Variants in CAPZA2 observed in about 807,000 individuals in gnomAD.
CAPZA2 encodes F-actin-capping protein subunit alpha-2.
Under a neutral mutation model 44.0 loss-of-function variants are expected in CAPZA2, and 13 were observed. The observed-to-expected ratio is 0.30, with a 90% CI of 0.19 to 0.47. The LOEUF (loss-of-function observed/expected upper bound fraction) is 0.47. Ranked by LOEUF, CAPZA2 falls within the 20% of genes least tolerant of loss-of-function variation. The pLI, the probability that CAPZA2 is intolerant of heterozygous loss-of-function variation, is 1.00. For missense variants in CAPZA2, 244 were observed against 338.6 expected (o/e 0.72, Z 2.19); for synonymous variants, 94 against 108.2 (o/e 0.87, Z 0.81).
At chr7:116,917,416 G>T (rs1344147988) in intron 9 of CAPZA2, among the ~76,000 whole-genome samples, 1 of 152,112 alleles carries the variant, frequency 6.6e-6, no homozygotes. Context: ...CACCATGCCC[G>T]ACTAATTTTT....
chr7:116,881,440 A>C (rs1796697241), intron 1 of CAPZA2, among the ~76,000 whole-genome samples: 1 of 152,054 alleles, frequency 6.6e-6, no homozygotes, highest in African/African-American at 2.4e-5. Flanking sequence ...CTTTTACAAA[A>C]CTACAGTACA....
At chr7:116,888,540 A>G in intron 2 of CAPZA2, 1 of 166,924 alleles carries the variant, frequency 6.0e-6, no homozygotes. Flanking sequence ...GAACTCTTAA[A>G]TAGTTTAAAA....
intron 1 of CAPZA2, among the ~76,000 whole-genome samples, chr7:116,867,851 T>C (rs943450276): frequency 6.6e-6 from 1 of 152,210 alleles, no homozygotes; most frequent in African/African-American, 2.4e-5. Flanking sequence ...CCTAAAGTGC[T>C]GGGATTACAG....
chr7:116,905,531 G>A (rs1342699050), intron 5 of CAPZA2, among the ~76,000 whole-genome samples: 1 of 152,068 alleles, frequency 6.6e-6, no homozygotes, highest in Non-Finnish European at 1.5e-5. Flanking sequence ...GAAGTTTCCT[G>A]GTTAGGACAA....
chr7:116,879,874 A>T (rs970822009), intron 1 of CAPZA2, among the ~76,000 whole-genome samples: 1 of 152,146 alleles, frequency 6.6e-6, no homozygotes, highest in Non-Finnish European at 1.5e-5. Flanking sequence ...GATTTATTCA[A>T]CCTGTAATCA....
chr7:116,911,012 A>AT, intron 7 of CAPZA2, among the ~76,000 whole-genome samples: 1 of 150,128 alleles, frequency 6.7e-6, no homozygotes, highest in Non-Finnish European at 1.5e-5. Context: ...AAAAAAAAAA[A>AT]GCATACGTGA....
At chr7:116,912,261 A>T (rs1791606438) in intron 8 of CAPZA2, 121 bp downstream of exon 8, 1 of 1,448,260 alleles carries the variant, frequency 6.9e-7, no homozygotes, top group African/African-American at 1.4e-5. Context: ...GATAGATTAA[A>T]GATAAGTAAT....
At chr7:116,904,043 A>G in intron 4 of CAPZA2, 134 bp from the exon 5 acceptor site, 3 of 620,378 alleles carry the variant, frequency 4.8e-6, no homozygotes, top group East Asian at 2.7e-5. Flanking sequence ...GTTGTACCAT[A>G]TGGTTAAAAT....
chr7:116,893,134 T>G, intron 3 of CAPZA2, 89 bp downstream of exon 3: 1 of 863,432 alleles, frequency 1.2e-6, no homozygotes, highest in Non-Finnish European at 1.8e-6. Context: ...TTTGTGGGTT[T>G]TTTTGTTTTG....
chr7:116,889,784 T>C (rs900349378), intron 2 of CAPZA2, among the ~76,000 whole-genome samples: 1 of 152,212 alleles, frequency 6.6e-6, no homozygotes, highest in African/African-American at 2.4e-5. Flanking sequence ...GAAGGCAGAA[T>C]GGAGAATTGG....
In CAPZA2 at chr7:116,904,227, A is replaced by G. The variant is rs374152545; in HGVS notation, c.270A>G (p.Pro90=). The change falls in exon 5 of 10, where the codon CCA becomes CCG. Residue 90 remains proline, a synonymous_variant. Transcript: ENST00000361183. The part of the protein sequence containing the change: ...GDLGNGKFLD[P]KNRICFKFDH... ...TGGGAAATGGAAAGTTTTTGGATCC[A>G]AAGAACAGAATCTGTTTTAAATTTG... 1.2e-6 allele frequency: 2 copies of G among 1,613,880 alleles called. No individual in the cohort carries two copies. Among genetic ancestry groups the G allele is most frequent in the African/African-American group, 2.7e-5 (2 of 74,934 alleles).
chr7:116,895,673 TAA>T (rs879268529), intron 3 of CAPZA2, among the ~76,000 whole-genome samples: 9 of 144,580 alleles, frequency 6.2e-5, no homozygotes, highest in African/African-American at 1.7e-4. Context: ...TGCTTACTAG[TAA>T]AAAAAAAAAA....
intron 8 of CAPZA2, among the ~76,000 whole-genome samples, chr7:116,915,002 G>A (rs1486069019): frequency 6.6e-6 from 1 of 152,124 alleles, no homozygotes; most frequent in Admixed American, 6.5e-5. Context: ...TCCTGGATGG[G>A]TGCGGTGGCT....
intron 3 of CAPZA2, 148 bp downstream of exon 3, chr7:116,893,193 C>G (rs1028148635): frequency 2.1e-6 from 1 of 466,104 alleles, no homozygotes; most frequent in Non-Finnish European, 3.8e-6. Flanking sequence ...TTCAGTGGTG[C>G]GATCTCGGCT....
At chr7:116,898,713 T>C in intron 3 of CAPZA2, 59 bp from the exon 4 acceptor site, 1 of 1,152,250 alleles carries the variant, frequency 8.7e-7, no homozygotes, top group Non-Finnish European at 1.2e-6. Flanking sequence ...TTTTTGACCA[T>C]TGTTTTTAAA....
At chr7:116,862,941 G>A (rs1796436431) in intron 1 of CAPZA2, among the ~76,000 whole-genome samples, 1 of 152,078 alleles carries the variant, frequency 6.6e-6, no homozygotes, top group South Asian at 2.1e-4. Flanking sequence ...GGGCGCGGGG[G>A]AGGGCGGCGG....
At chr7:116,876,207 G>C (rs938734763) in intron 1 of CAPZA2, 2 of 149,170 alleles carry the variant, frequency 1.3e-5, no homozygotes, top group African/African-American at 5.0e-5. Flanking sequence ...CGGAGTTCGC[G>C]CCGCTGCACT....
chr7:116,871,865 G>C (rs750288946), intron 1 of CAPZA2, among the ~76,000 whole-genome samples: 2 of 152,216 alleles, frequency 1.3e-5, no homozygotes, highest in South Asian at 4.1e-4. Flanking sequence ...AGAGCGCCTA[G>C]CCTGTATTAA....
At position 116,897,639 on chromosome 7, in the gene CAPZA2, A is replaced by T. The variant is rs535112967; in HGVS notation, c.156-1133A>T. ...GAAATTCTCAGTATCCTTTCTGTTA[A>T]GTGACAGTGATTTCCCAGATTTTAG... On this transcript the variant is annotated intron_variant, in intron 3 of 9. Coordinates refer to ENST00000361183, the MANE Select transcript of CAPZA2 (RefSeq NM_006136.3). 8.5e-5 allele frequency among the ~76,000 whole-genome samples: 13 copies of T among 152,248 alleles called. No homozygotes were observed. In the South Asian group the frequency reaches 2.5e-3, roughly 29 times the overall value.
Sources: gnomAD v4.1 joint callset for allele counts (sites outside exome capture counted in the v4.1 genomes callset) on GRCh38, gnomAD v4.1.1 for gene constraint, MANE v1.5 for transcripts, NCBI Gene and HGNC (gene_info 2026-07-23, HGNC 2026-07-21) for gene names.